The following MICU3 variants were observed in gnomAD, a reference collection of about 807,000 sequenced individuals.
MICU3 encodes calcium uptake protein 3, mitochondrial.
MICU3 carries 62 observed loss-of-function variants against 66.5 expected under a neutral mutation model. That is an observed-to-expected ratio of 0.93 (90% CI 0.76 to 1.15). The LOEUF is 1.15. Among genes scored for constraint, MICU3 ranks in the 50% most tolerant of loss-of-function variants. MICU3 has a pLI of 0.00. For synonymous variants in MICU3, 308 were observed against 240.7 expected (o/e 1.28, Z -2.59); for missense variants, 779 against 664.4 (o/e 1.17, Z -1.90).
At chr8:17,043,987 T>C (rs2150538248) in intron 1 of MICU3, among the ~76,000 whole-genome samples, 1 of 152,380 alleles carries the variant, frequency 6.6e-6, no homozygotes, top group South Asian at 2.1e-4. Flanking sequence ...ATTAAAATCC[T>C]GAAGTTATTC....
At chr8:17,127,245 G>A (rs1288540428), downstream of MICU3, among the ~76,000 whole-genome samples, 1 of 152,150 alleles carries the variant, frequency 6.6e-6, no homozygotes, top group African/African-American at 2.4e-5. Flanking sequence ...TTGGTGCTAA[G>A]AGTTTCTCAA....
At chr8:17,038,861 G>C (rs1223979844) in intron 1 of MICU3, among the ~76,000 whole-genome samples, 1 of 151,848 alleles carries the variant, frequency 6.6e-6, no homozygotes, top group African/African-American at 2.4e-5. Context: ...GCTGAGGCAG[G>C]AGAATGGCTT....
At chr8:17,072,013 C>A (rs1449513368) in intron 3 of MICU3, among the ~76,000 whole-genome samples, 1 of 151,992 alleles carries the variant, frequency 6.6e-6, no homozygotes, top group African/African-American at 2.4e-5. Flanking sequence ...AAAATCCCAA[C>A]CAAATTGATC....
chr8:17,077,966 T>G (rs911760500), intron 4 of MICU3, 105 bp downstream of exon 4: 2 of 591,436 alleles, frequency 3.4e-6, no homozygotes, highest in Non-Finnish European at 5.5e-6. Flanking sequence ...TACATCTATG[T>G]GTATGCATAG....
chr8:17,052,138 G>C (rs10093837), intron 1 of MICU3, among the ~76,000 whole-genome samples: 2 of 152,006 alleles, frequency 1.3e-5, no homozygotes, highest in Non-Finnish European at 2.9e-5. Context: ...GTATGTGAAA[G>C]TACTTTATAA....
At chr8:17,079,488 T>A (rs1177905944) in intron 4 of MICU3, among the ~76,000 whole-genome samples, 1 of 152,072 alleles carries the variant, frequency 6.6e-6, no homozygotes, top group Non-Finnish European at 1.5e-5. Flanking sequence ...GGCAGAGAAA[T>A]TTTAAGACTA....
Position 17,120,491 on chromosome 8 carries a change from A to G in MICU3, c.*204A>G, listed in dbSNP as rs2517043. 0.48 allele frequency: 72,325 copies of G among 151,902 alleles called. 17,949 individuals are homozygous for G. The highest frequency in any genetic ancestry group is 0.62 in the African/African-American group (25,740 of 41,450). The allele number at this position is 151,902 out of a possible 1,614,324, so 9.4% of individuals were successfully genotyped here. On this transcript the variant is annotated 3_prime_UTR_variant, in exon 15 of 15. Coordinates refer to ENST00000318063, the MANE Select transcript of MICU3 (RefSeq NM_181723.3). ...CATCTTGTTACTACAAATGTTATATATATAAAATCAAGTTGAGCTTTGCCT... is the reference window on the plus strand; with the variant it reads ...CATCTTGTTACTACAAATGTTATATGTATAAAATCAAGTTGAGCTTTGCCT...
At chr8:17,126,026 C>T (rs1421355455), downstream of MICU3, among the ~76,000 whole-genome samples, 1 of 124,706 alleles carries the variant, frequency 8.0e-6, no homozygotes, top group African/African-American at 3.5e-5. Context: ...AAGACTCCAT[C>T]TCAAAAGGAA....
chr8:17,037,531 C>G (rs779362483), intron 1 of MICU3, among the ~76,000 whole-genome samples: 5 of 152,142 alleles, frequency 3.3e-5, no homozygotes, highest in Non-Finnish European at 7.3e-5. Flanking sequence ...GCCTGGATGT[C>G]CAGGTAGAAG....
At chr8:17,090,480 C>A in intron 7 of MICU3, 66 bp from the exon 8 acceptor site, 1 of 1,414,248 alleles carries the variant, frequency 7.1e-7, no homozygotes, top group Admixed American at 2.1e-5. Context: ...TTCCTTTTTT[C>A]TTTTGCTGTA....
chr8:17,136,456 A>G, the MICU3 span, among the ~76,000 whole-genome samples: 2 of 152,076 alleles, frequency 1.3e-5, no homozygotes, highest in African/African-American at 2.4e-5. Context: ...AGGGCTCCAC[A>G]TATGGGTTTT....
chr8:17,053,891 A>C (rs950870658), intron 1 of MICU3, among the ~76,000 whole-genome samples: 1 of 152,194 alleles, frequency 6.6e-6, no homozygotes, highest in Non-Finnish European at 1.5e-5. Flanking sequence ...TGTAAGGTGT[A>C]ATTTCCTAGA....
intron 5 of MICU3, chr8:17,082,056 T>G: frequency 5.1e-6 from 1 of 194,736 alleles, no homozygotes; most frequent in Non-Finnish European, 1.0e-5. Flanking sequence ...ACTGTACTCA[T>G]TTGAATCATA....
At chr8:17,049,441 T>G (rs778835832) in intron 1 of MICU3, among the ~76,000 whole-genome samples, 12 of 152,214 alleles carry the variant, frequency 7.9e-5, no homozygotes, top group Middle Eastern at 3.2e-3. Context: ...GTCTCTTGAT[T>G]CTGTGGGCCA....
chr8:17,115,715 A>T (rs1220817200), intron 12 of MICU3, among the ~76,000 whole-genome samples: 1 of 152,150 alleles, frequency 6.6e-6, no homozygotes, highest in African/African-American at 2.4e-5. Flanking sequence ...TCTATGACAC[A>T]TCTGCAATGG....
At chr8:17,107,353 G>A (rs1394966315) in intron 11 of MICU3, among the ~76,000 whole-genome samples, 1 of 152,146 alleles carries the variant, frequency 6.6e-6, no homozygotes, top group Non-Finnish European at 1.5e-5. Context: ...AGAGGTAACA[G>A]CAAATGCCAA....
chr8:17,061,436 GA>G (rs1817807876), intron 1 of MICU3, among the ~76,000 whole-genome samples: 1 of 152,148 alleles, frequency 6.6e-6, no homozygotes, highest in Non-Finnish European at 1.5e-5. Flanking sequence ...TAAGCTGGGG[GA>G]TTGTTAGACT....
intron 1 of MICU3, among the ~76,000 whole-genome samples, chr8:17,056,664 T>TATC (rs1254593569): frequency 1.3e-5 from 2 of 152,182 alleles, no homozygotes; most frequent in Non-Finnish European, 2.9e-5. Context: ...AGATACTGTG[T>TATC]TGGCTCACAG....
intron 8 of MICU3, among the ~76,000 whole-genome samples, chr8:17,098,114 T>G (rs1002721067): frequency 6.6e-6 from 1 of 151,790 alleles, no homozygotes; most frequent in Non-Finnish European, 1.5e-5. Context: ...CCCAAACAAA[T>G]TTACTTCACA....
Sources: gnomAD v4.1 joint callset for allele counts (sites outside exome capture counted in the v4.1 genomes callset) on GRCh38, gnomAD v4.1.1 for gene constraint, MANE v1.5 for transcripts, NCBI Gene and HGNC (gene_info 2026-07-23, HGNC 2026-07-21) for gene names.